Variants in KCNK10 observed in about 807,000 individuals in gnomAD.
KCNK10 encodes the protein potassium channel subfamily K member 10.
KCNK10 carries 25 observed loss-of-function variants against 47.7 expected under a neutral mutation model. The observed-to-expected ratio is 0.52, with a 90% CI of 0.38 to 0.73. The LOEUF is 0.73. Among genes scored for constraint, KCNK10 ranks in the 30% least tolerant of loss-of-function variants. The probability of loss-of-function intolerance (pLI) is 0.00; values close to 1 mark genes in which losing one functional copy is unlikely to be tolerated. For missense variants in KCNK10, 563 were observed against 714.5 expected (o/e 0.79, Z 2.42); for synonymous variants, 303 against 285.6 (o/e 1.06, Z -0.61).
chr14:88,268,242 C>T (rs992006823), intron 1 of KCNK10, among the ~76,000 whole-genome samples: 3 of 152,196 alleles, frequency 2.0e-5, no homozygotes, highest in African/African-American at 7.2e-5. Context: ...CTCCCAGAAA[C>T]AATCCTGCCG....
intron 4 of KCNK10, among the ~76,000 whole-genome samples, chr14:88,202,080 G>A (rs1385914578): frequency 6.6e-6 from 1 of 152,228 alleles, no homozygotes; most frequent in East Asian, 1.9e-4. Flanking sequence ...GTTCTTCTCA[G>A]AGGACCAGAA....
intron 2 of KCNK10, among the ~76,000 whole-genome samples, chr14:88,256,089 T>C (rs1298031111): frequency 6.6e-6 from 1 of 152,166 alleles, no homozygotes; most frequent in Non-Finnish European, 1.5e-5. Context: ...ATCTTTTGTG[T>C]CCTCTATGTG....
chr14:88,227,439 C>A lies in KCNK10; in HGVS notation c.617G>T (p.Gly206Val). 1 of 1,613,622 alleles carries A rather than the reference C, an allele frequency of 6.2e-7. No individual in the cohort carries two copies. The highest frequency in any genetic ancestry group is 8.5e-7 in the Non-Finnish European group (1 of 1,179,858). ...GIPLFGFLLA[G>V]IGDQLGTIFG... ...GATGGTTCCAAGTTGGTCTCCAATT[C>A]CAGCCAATAAGAAACCAAAGAGTGG... is the stretch of plus-strand genomic sequence containing the variant. The change falls in exon 4 of 7, where the codon GGA (glycine) becomes GTA (valine). Residue 206 changes from glycine (G) to valine (V), a missense_variant. By Grantham distance (109) the Gly-to-Val change is moderately radical. Coordinates refer to ENST00000319231, the MANE Select transcript of KCNK10 (RefSeq NM_138317.3).
At chr14:88,253,879 C>G (rs1257454523) in intron 2 of KCNK10, among the ~76,000 whole-genome samples, 1 of 152,194 alleles carries the variant, frequency 6.6e-6, no homozygotes, top group African/African-American at 2.4e-5. Flanking sequence ...GTCTGGGCAA[C>G]AGAGTGAGAC....
chr14:88,204,586 TC>T (rs1231773733), intron 4 of KCNK10, among the ~76,000 whole-genome samples: 1 of 23,460 alleles, frequency 4.3e-5, no homozygotes, highest in Non-Finnish European at 8.9e-5. Context: ...TTCCCCCAAC[TC>T]CCCCCTACCC....
chr14:88,192,498 G>A (rs1172860100), intron 4 of KCNK10, 88 bp from the exon 5 acceptor site: 7 of 1,157,228 alleles, frequency 6.0e-6, no homozygotes, highest in Non-Finnish European at 8.7e-6. Context: ...TACTGTGTCA[G>A]TGACTTTTAA....
At chr14:88,284,688 C>G (rs541821342) in intron 1 of KCNK10, among the ~76,000 whole-genome samples, 1 of 152,104 alleles carries the variant, frequency 6.6e-6, no homozygotes, top group Admixed American at 6.5e-5. Context: ...TTTTTTTAGC[C>G]GTGCTGGCAG....
At chr14:88,279,220 C>T (rs381391) in intron 1 of KCNK10, among the ~76,000 whole-genome samples, 88,732 of 151,988 alleles carry the variant, frequency 0.58, 25,999 homozygotes, top group Non-Finnish European at 0.61. Flanking sequence ...TCTAAGGGAA[C>T]TTAGTAGAAG....
chr14:88,312,638 T>A (rs1425904340), intron 1 of KCNK10, among the ~76,000 whole-genome samples: 1 of 152,224 alleles, frequency 6.6e-6, no homozygotes, highest in Non-Finnish European at 1.5e-5. Flanking sequence ...AGAAAGGGAC[T>A]CTGTAAGAGA....
chr14:88,242,930 C>T (rs1225270614), intron 2 of KCNK10, among the ~76,000 whole-genome samples: 1 of 152,166 alleles, frequency 6.6e-6, no homozygotes, highest in Non-Finnish European at 1.5e-5. Flanking sequence ...ATTTACAACT[C>T]CTATCAAGCT....
intron 1 of KCNK10, among the ~76,000 whole-genome samples, chr14:88,269,378 C>T (rs549919657): frequency 1.3e-5 from 2 of 152,310 alleles, no homozygotes; most frequent in East Asian, 1.9e-4. Context: ...AGACGCATCC[C>T]GCCTTCAGAG....
At chr14:88,326,692 C>A, upstream of KCNK10, 1 of 552,264 alleles carries the variant, frequency 1.8e-6, no homozygotes, top group East Asian at 3.2e-5. Context: ...CTACCGGGCA[C>A]GGGTCTCTGC....
At chr14:88,284,013 C>G (rs77350099) in intron 1 of KCNK10, among the ~76,000 whole-genome samples, 3,678 of 152,066 alleles carry the variant, frequency 0.024, 73 homozygotes, top group South Asian at 0.067. Context: ...TTGCATTATA[C>G]TATGTATCAT....
intron 4 of KCNK10, among the ~76,000 whole-genome samples, chr14:88,199,927 C>G (rs1469265332): frequency 1.3e-5 from 2 of 152,214 alleles, no homozygotes; most frequent in Non-Finnish European, 2.9e-5. Context: ...GCTGGATAAG[C>G]AGTAAACAAC....
At chr14:88,223,129 A>C (rs1177598792) in intron 4 of KCNK10, among the ~76,000 whole-genome samples, 1 of 152,110 alleles carries the variant, frequency 6.6e-6, no homozygotes, top group Non-Finnish European at 1.5e-5. Flanking sequence ...GACTGCAAAA[A>C]CTACAACCTT....
chr14:88,235,655 A>G (rs549945331), intron 3 of KCNK10, among the ~76,000 whole-genome samples: 13 of 152,304 alleles, frequency 8.5e-5, no homozygotes, highest in African/African-American at 3.1e-4. Context: ...AACTAAAGGA[A>G]TAGGGAGAAT....
chr14:88,199,770 A>G (rs1332527312), intron 4 of KCNK10, among the ~76,000 whole-genome samples: 1 of 152,180 alleles, frequency 6.6e-6, no homozygotes. Flanking sequence ...TAGACAGAAG[A>G]ACTATCTATA....
At chr14:88,293,690 T>C (rs1057325167) in intron 1 of KCNK10, among the ~76,000 whole-genome samples, 3 of 151,878 alleles carry the variant, frequency 2.0e-5, no homozygotes, top group Non-Finnish European at 1.5e-5. Flanking sequence ...TTCTTCTTTT[T>C]TATGGACAGA....
At chr14:88,201,426 G>A (rs1885097578) in intron 4 of KCNK10, among the ~76,000 whole-genome samples, 2 of 152,160 alleles carry the variant, frequency 1.3e-5, no homozygotes, top group South Asian at 4.1e-4. Flanking sequence ...GGGAGGCCGA[G>A]AGGTAGGTGG....
Sources: gnomAD v4.1 joint callset for allele counts (sites outside exome capture counted in the v4.1 genomes callset) on GRCh38, gnomAD v4.1.1 for gene constraint, MANE v1.5 for transcripts, NCBI Gene and HGNC (gene_info 2026-07-23, HGNC 2026-07-21) for gene names.